The following ZCCHC14 variants were observed in gnomAD, a reference collection of about 807,000 sequenced individuals.
ZCCHC14 encodes the protein zinc finger CCHC-type containing 14.
A neutral mutation model predicts 85.0 loss-of-function variants in ZCCHC14; 16 were observed. The observed-to-expected ratio is 0.19, with a 90% CI of 0.13 to 0.29. The LOEUF (loss-of-function observed/expected upper bound fraction) is 0.29, where lower values mean the gene tolerates loss of function less well. Among genes scored for constraint, ZCCHC14 ranks in the 10% least tolerant of loss-of-function variants. ZCCHC14 has a pLI of 1.00. For synonymous variants in ZCCHC14, 775 were observed against 630.7 expected (o/e 1.23, Z -3.43); for missense variants, 1,303 against 1,443.5 (o/e 0.90, Z 1.58).
chr16:87,453,768 T>C (rs1422743507), intron 2 of ZCCHC14, among the ~76,000 whole-genome samples: 1 of 152,154 alleles, frequency 6.6e-6, no homozygotes. Flanking sequence ...AATCTAGAAT[T>C]AGACATTCAT....
In ZCCHC14 at chr16:87,412,112, G is replaced by A. The variant is rs938460080; in HGVS notation, c.2609C>T (p.Pro870Leu). The A allele has an allele frequency of 3.3e-5, 54 of 1,613,492 alleles. No homozygotes were observed. Among genetic ancestry groups the A allele is most frequent in the Admixed American group, 5.0e-5 (3 of 60,012 alleles). Reference protein sequence around the residue: ...LPSCPAPSSSPALSSVPESSF... With the variant: ...LPSCPAPSSSLALSSVPESSF... ...GCTTTCAGGGACGGAGGACAGCGCCGGGCTGGAGCTGGGGGCTGGGCAGCT... is the reference window on the plus strand; with the variant it reads ...GCTTTCAGGGACGGAGGACAGCGCCAGGCTGGAGCTGGGGGCTGGGCAGCT... Residue 870 changes from proline to leucine, a missense_variant, in exon 12 of 13, where the codon CCG (proline) becomes CTG (leucine). Pro to Leu is a moderately conservative substitution (Grantham distance 98, BLOSUM62 -3). Coordinates refer to ENST00000671377, the MANE Select transcript of ZCCHC14 (RefSeq NM_015144.3).
In ZCCHC14 at chr16:87,487,413, G is replaced by A. The variant is rs111293838; in HGVS notation, c.570+4256C>T. Among the ~76,000 whole-genome samples the A allele has an allele frequency of 3.5e-3, 535 of 152,290 alleles. 2 individuals are homozygous for A. Among genetic ancestry groups the A allele is most frequent in the African/African-American group, 0.012 (487 of 41,568 alleles). ...GCAGCTCAGGCGGGGCCCCGCCCCT[G>A]CCCACCAGGCCCTGCTCCCCCATAC... is the stretch of plus-strand genomic sequence containing the variant. On this transcript the variant is annotated intron_variant, in intron 1 of 12. Coordinates refer to ENST00000671377, the MANE Select transcript of ZCCHC14 (RefSeq NM_015144.3).
chr16:87,433,803 C>G (rs1229418712), intron 2 of ZCCHC14, among the ~76,000 whole-genome samples: 2 of 152,020 alleles, frequency 1.3e-5, no homozygotes, highest in Non-Finnish European at 2.9e-5. Flanking sequence ...ACCACCGTGC[C>G]TGGCTGATTT....
chr16:87,442,495 G>T (rs182473417), intron 2 of ZCCHC14, among the ~76,000 whole-genome samples: 32 of 152,252 alleles, frequency 2.1e-4, no homozygotes, highest in African/African-American at 7.7e-4. Context: ...AACAGGGAGG[G>T]GCAAACACTC....
chr16:87,439,097 G>C lies in ZCCHC14; in HGVS notation c.695-5896C>G, dbSNP rs1332089425. ...TATGGATTATGGAATCTTCTTTATA[G>C]GATTCCAAAAGGCCTGGGAGGACGA... On this transcript the variant is annotated intron_variant, in intron 2 of 12. Transcript: ENST00000671377. Among the ~76,000 whole-genome samples the C allele has an allele frequency of 2.6e-5, 4 of 151,736 alleles. No individual in the cohort carries two copies. In the East Asian group the frequency reaches 7.7e-4, roughly 29 times the overall value.
In ZCCHC14 at chr16:87,420,630, G is replaced by A. The variant is rs775745758; in HGVS notation, c.927C>T (p.His309=). Residue 309 remains histidine, a synonymous_variant, in exon 5 of 13, where the codon CAC becomes CAT. Coordinates refer to ENST00000671377, the MANE Select transcript of ZCCHC14 (RefSeq NM_015144.3). This position sits in a 1 kb window ranked among gnomAD's most constrained non-coding sequence, Gnocchi z 5.0. ...ACCTCAGGCCTGAGTCCAGATCCACGTGGTTTCGCTCCACATAAAATGCGT... is the reference window on the plus strand; with the variant it reads ...ACCTCAGGCCTGAGTCCAGATCCACATGGTTTCGCTCCACATAAAATGCGT... ...GPDAFYVERN[H]VDLDSGLRYL... The A allele has an allele frequency of 7.4e-6, 12 of 1,613,592 alleles. No homozygotes were observed. In the East Asian group the frequency reaches 1.1e-4, roughly 15 times the overall value.
At position 87,492,194 on chromosome 16, in the gene ZCCHC14, G is replaced by A. The variant is rs1365114276; in HGVS notation, c.45C>T (p.Arg15=). Residue 15 remains arginine (R), a synonymous_variant, in exon 1 of 13, where the codon CGC becomes CGT. Coordinates refer to ENST00000671377, the MANE Select transcript of ZCCHC14 (RefSeq NM_015144.3). The surrounding 1 kb of genome is among the most constrained non-coding windows in gnomAD (Gnocchi z 6.7). ...GCGGCGACGGCAGCTCCGAGAACCA[G>A]CGGTACACGCCGTCCCTCTGCAGCG... ...RCPLQRDGVY[R]WFSELPSPQR... is the part of the protein sequence containing the mutation. The A allele has an allele frequency of 2.6e-6, 3 of 1,156,262 alleles. No homozygotes were observed. Among genetic ancestry groups the A allele is most frequent in the South Asian group, 4.5e-5 (2 of 44,600 alleles). The allele number at this position is 1,156,262 out of a possible 1,614,324, so 71.6% of individuals were successfully genotyped here. A position where few individuals can be genotyped will look rare whatever the true frequency, so the allele number is the denominator to read the frequency against.
Position 87,447,680 on chromosome 16 carries a change from C to G in ZCCHC14, c.694+12328G>C, listed in dbSNP as rs563277634. On this transcript the variant is annotated intron_variant, in intron 2 of 12. Transcript: ENST00000671377. ...TGCTATAAGCCTTCATCTCCAAGTG[C>G]TGTTGTGGATGTACGCTTTCATTTC... Among the ~76,000 whole-genome samples, 4 of 152,312 alleles carry G rather than the reference C, an allele frequency of 2.6e-5. No homozygotes were observed. In the East Asian group the frequency reaches 7.7e-4, roughly 29 times the overall value.
chr16:87,480,452 T>G (rs1397913606), intron 1 of ZCCHC14, among the ~76,000 whole-genome samples: 1 of 152,124 alleles, frequency 6.6e-6, no homozygotes, highest in Non-Finnish European at 1.5e-5. Flanking sequence ...GATGTTAAAA[T>G]TCAAGTTAAA....
intron 1 of ZCCHC14, among the ~76,000 whole-genome samples, chr16:87,482,402 AGAG>A (rs1445649149): frequency 9.9e-5 from 15 of 152,256 alleles, no homozygotes; most frequent in Non-Finnish European, 2.1e-4. Flanking sequence ...TGTCCAGAGA[AGAG>A]GAAAACCAGC....
chr16:87,426,996 C>T (rs1384962116), intron 3 of ZCCHC14, among the ~76,000 whole-genome samples: 6 of 152,330 alleles, frequency 3.9e-5, no homozygotes, highest in African/African-American at 9.6e-5. Flanking sequence ...AGCAAAAACC[C>T]GACGGGACGC....
chr16:87,418,409 C>T (rs1044560022), intron 7 of ZCCHC14, among the ~76,000 whole-genome samples: 2 of 152,186 alleles, frequency 1.3e-5, no homozygotes, highest in African/African-American at 4.8e-5. Context: ...CCACGAGACT[C>T]CCTATGGGGG....
At chr16:87,472,485 C>G (rs894145561) in intron 1 of ZCCHC14, 1 of 152,416 alleles carries the variant, frequency 6.6e-6, no homozygotes, top group Admixed American at 6.5e-5. Context: ...CCCCACAGAG[C>G]AGACCACCAG....
chr16:87,462,826 T>G (rs144313418), intron 1 of ZCCHC14, among the ~76,000 whole-genome samples: 1 of 151,698 alleles, frequency 6.6e-6, no homozygotes. Flanking sequence ...TCCCAGCACT[T>G]TGGGAGGCCG....
At chr16:87,433,745 G>A (rs375728783) in intron 2 of ZCCHC14, among the ~76,000 whole-genome samples, 17 of 152,032 alleles carry the variant, frequency 1.1e-4, no homozygotes, top group Admixed American at 1.3e-4. Flanking sequence ...GGGTTCAAGC[G>A]ATTCTCGTGC....
intron 6 of ZCCHC14, 134 bp from the exon 7 acceptor site, chr16:87,419,035 C>A: frequency 1.3e-6 from 1 of 742,394 alleles, no homozygotes; most frequent in South Asian, 1.8e-5. Context: ...CGGCTCACTG[C>A]AACCTCTGCC....
chr16:87,467,042 ATTGT>A (rs1911553556), intron 1 of ZCCHC14: 1 of 389,254 alleles, frequency 2.6e-6, no homozygotes. Context: ...AAAAAAAAAA[ATTGT>A]TTTTTTTTTT....
intron 2 of ZCCHC14, among the ~76,000 whole-genome samples, chr16:87,433,981 G>A (rs967915886): frequency 5.9e-5 from 9 of 152,084 alleles, no homozygotes; most frequent in African/African-American, 2.2e-4. Flanking sequence ...CCTTCTCTGC[G>A]AGGGCAAGGA....
At chr16:87,453,522 C>G (rs1910808549) in intron 2 of ZCCHC14, among the ~76,000 whole-genome samples, 1 of 152,186 alleles carries the variant, frequency 6.6e-6, no homozygotes, top group Non-Finnish European at 1.5e-5. Context: ...GAGAGCGTCC[C>G]AGACAAAGCC....
Sources: gnomAD v4.1 joint callset for allele counts (sites outside exome capture counted in the v4.1 genomes callset) on GRCh38, gnomAD v4.1.1 for gene constraint, Gnocchi (gnomAD v3.1) non-coding constraint, MANE v1.5 for transcripts, NCBI Gene and HGNC (gene_info 2026-07-23, HGNC 2026-07-21) for gene names.